NTRK3: variants seen among roughly 807,000 people sequenced by gnomAD.
NTRK3 encodes the protein neurotrophic receptor tyrosine kinase 3, also known as NT-3 growth factor receptor.
NTRK3 carries 24 observed loss-of-function variants against 91.7 expected under a neutral mutation model. The observed-to-expected ratio is 0.26, with a 90% CI of 0.19 to 0.37. The LOEUF is 0.37. Ranked by LOEUF, NTRK3 falls within the 10% of genes least tolerant of loss-of-function variation. The pLI is 1.00. For missense variants in NTRK3, 880 were observed against 1,068.9 expected (o/e 0.82, Z 2.46); for synonymous variants, 483 against 404.0 (o/e 1.20, Z -2.34).
intron 5 of NTRK3, among the ~76,000 whole-genome samples, chr15:88,176,776 C>T (rs1331215438): frequency 2.0e-5 from 3 of 152,296 alleles, no homozygotes; most frequent in Middle Eastern, 3.4e-3. Flanking sequence ...TTCTGCTCCA[C>T]GGAAGTTTAC....
chr15:87,993,769 T>C (rs1304205988), intron 14 of NTRK3, among the ~76,000 whole-genome samples: 3 of 152,038 alleles, frequency 2.0e-5, no homozygotes, highest in Non-Finnish European at 4.4e-5. Flanking sequence ...CCAACACACA[T>C]TGAGGGCCTC....
chr15:88,178,166 A>G (rs2046164826), intron 5 of NTRK3, among the ~76,000 whole-genome samples: 1 of 152,212 alleles, frequency 6.6e-6, no homozygotes, highest in African/African-American at 2.4e-5. Flanking sequence ...ACTTGGAGAA[A>G]AGTCTCAGTG....
rs569794715 is a variant in NTRK3, at chr15:87,880,324, G to A, written c.2238C>T (p.Leu746=). The change falls in exon 18 of 19, where the codon CTC becomes CTT. Residue 746 remains leucine (L), a synonymous_variant. Coordinates refer to ENST00000394480, the Ensembl canonical transcript of NTRK3. ...GCTTTCCATAGGTGAAGATCTCCCA[G>A]AGGATCACCCCGAAGCTCCATACAT... The A allele has an allele frequency of 1.6e-5, 26 of 1,614,038 alleles. No homozygotes were observed. The Middle Eastern group carries it at 9.9e-4, about 61-fold the overall frequency.
chr15:88,039,444 A>C (rs939020569), intron 13 of NTRK3, among the ~76,000 whole-genome samples: 2 of 152,168 alleles, frequency 1.3e-5, no homozygotes, highest in Non-Finnish European at 2.9e-5. Flanking sequence ...ATATCATAAC[A>C]GAACCATTGG....
chr15:88,219,753 AAC>A (rs143980629), intron 3 of NTRK3, among the ~76,000 whole-genome samples: 1,633 of 152,330 alleles, frequency 0.011, 20 homozygotes, highest in South Asian at 0.048. Context: ...GGTGATGCCT[AAC>A]ACGCACTGAG....
At chr15:88,132,220 T>C (rs577187360) in intron 10 of NTRK3, among the ~76,000 whole-genome samples, 1 of 152,372 alleles carries the variant, frequency 6.6e-6, no homozygotes, top group African/African-American at 2.4e-5. Context: ...AAATGACTAC[T>C]GGTTCTAGAA....
In NTRK3 at chr15:88,256,256, G is replaced by C. The variant is rs1432759619; in HGVS notation, c.-16+28C>G. The C allele has an allele frequency of 1.1e-4, 31 of 282,736 alleles. No individual in the cohort carries two copies. The East Asian group carries it at 2.2e-3, about 20-fold the overall frequency. 17.5% of individuals were successfully genotyped at this position (282,736 alleles called of 1,614,324 possible). A position where few individuals can be genotyped will look rare whatever the true frequency, so the allele number is the denominator to read the frequency against. On this transcript the variant is annotated intron_variant, in intron 2 of 18. Coordinates refer to ENST00000394480, the Ensembl canonical transcript of NTRK3. Reference sequence around the variant, plus strand: ...GGAAGGAAACAAAGACGGCGAGGGAGGGGGGAAGGGGGAGGGGGGGCCTCT... The same window carrying C: ...GGAAGGAAACAAAGACGGCGAGGGACGGGGGAAGGGGGAGGGGGGGCCTCT...
At chr15:87,986,841 A>G (rs944424087) in intron 14 of NTRK3, among the ~76,000 whole-genome samples, 10 of 152,256 alleles carry the variant, frequency 6.6e-5, no homozygotes, top group Non-Finnish European at 1.5e-4. Flanking sequence ...GGCTTTGCAA[A>G]CCATGCAGTC....
At chr15:87,965,368 T>G (rs533185419) in intron 14 of NTRK3, among the ~76,000 whole-genome samples, 1 of 152,238 alleles carries the variant, frequency 6.6e-6, no homozygotes, top group African/African-American at 2.4e-5. Flanking sequence ...CAGAGAGATA[T>G]TCTCACAATA....
At chr15:87,961,974 C>T (rs920266774) in intron 14 of NTRK3, among the ~76,000 whole-genome samples, 2 of 152,216 alleles carry the variant, frequency 1.3e-5, no homozygotes, top group African/African-American at 4.8e-5. Flanking sequence ...CATCCATTGT[C>T]CCTCTCTCGG....
At chr15:88,113,593 G>C (rs557607521) in intron 13 of NTRK3, among the ~76,000 whole-genome samples, 28 of 152,308 alleles carry the variant, frequency 1.8e-4, no homozygotes, top group African/African-American at 5.3e-4. Flanking sequence ...TGGGATTATA[G>C]GCATGAGCCA....
chr15:87,992,562 G>GA (rs780396610), intron 14 of NTRK3, among the ~76,000 whole-genome samples: 83 of 150,880 alleles, frequency 5.5e-4, no homozygotes, highest in South Asian at 4.0e-3. Context: ...AGACTATTTG[G>GA]AAAAAAAAAC....
Position 87,980,548 on chromosome 15 carries a change from T to C in NTRK3, c.1586-39795A>G, listed in dbSNP as rs2074159559. 2.6e-5 allele frequency among the ~76,000 whole-genome samples: 4 copies of C among 152,312 alleles called. No individual in the cohort carries two copies. In the South Asian group the frequency reaches 8.3e-4, roughly 32 times the overall value. On this transcript the variant is annotated intron_variant, in intron 14 of 18. Coordinates refer to ENST00000394480, the Ensembl canonical transcript of NTRK3. Reference sequence around the variant, plus strand: ...GTGTACACATATGTGTGTGTTTGAATGTGTATGTGTGTGTGAATATGTGCA... The same window carrying C: ...GTGTACACATATGTGTGTGTTTGAACGTGTATGTGTGTGTGAATATGTGCA...
At chr15:88,161,601 C>T (rs1162647066) in intron 5 of NTRK3, among the ~76,000 whole-genome samples, 3 of 152,114 alleles carry the variant, frequency 2.0e-5, no homozygotes, top group African/African-American at 7.2e-5. Context: ...GTGTGACAGC[C>T]ATAAAAAATG....
chr15:88,023,822 A>G (rs1320426400), intron 14 of NTRK3, among the ~76,000 whole-genome samples: 1 of 152,194 alleles, frequency 6.6e-6, no homozygotes, highest in African/African-American at 2.4e-5. Context: ...GACTTCTTCT[A>G]GAGAAAGAAC....
Position 88,237,970 on chromosome 15 carries a change from T to C in NTRK3, c.248+17936A>G, listed in dbSNP as rs1431062251. On this transcript the variant is annotated intron_variant, in intron 3 of 18. Coordinates refer to ENST00000394480, the Ensembl canonical transcript of NTRK3. The surrounding 1 kb of genome is among the most constrained non-coding windows in gnomAD (Gnocchi z 4.0). Reference sequence around the variant, plus strand: ...GTAACTGTATTTGGAGATAGGGTCTTTAAAGAAGTAATTAAGTTTAAATGA... The same window carrying C: ...GTAACTGTATTTGGAGATAGGGTCTCTAAAGAAGTAATTAAGTTTAAATGA... Among the ~76,000 whole-genome samples, 1 of 152,152 alleles carries C rather than the reference T, an allele frequency of 6.6e-6. No individual in the cohort carries two copies. Among genetic ancestry groups the C allele is most frequent in the Admixed American group, 6.5e-5 (1 of 15,276 alleles).
intron 14 of NTRK3, chr15:87,981,406 C>T (rs772652662): frequency 3.1e-6 from 5 of 1,613,596 alleles, no homozygotes; most frequent in Non-Finnish European, 4.2e-6. Context: ...CAGTATTAAA[C>T]CCCAAGTGCA....
intron 17 of NTRK3, among the ~76,000 whole-genome samples, chr15:87,893,185 G>A (rs1010118234): frequency 1.3e-5 from 2 of 152,108 alleles, no homozygotes; most frequent in African/African-American, 2.4e-5. Flanking sequence ...CTTTCCCCAA[G>A]GCTGTATCGT....
At chr15:88,090,571 A>G (rs1044047477) in intron 13 of NTRK3, among the ~76,000 whole-genome samples, 3 of 152,128 alleles carry the variant, frequency 2.0e-5, no homozygotes, top group African/African-American at 7.2e-5. Context: ...AGCCAGAGTC[A>G]TTCCTCCTCC....
Sources: allele counts gnomAD v4.1 joint callset (sites outside exome capture counted in the v4.1 genomes callset), GRCh38; gene constraint gnomAD v4.1.1; non-coding constraint Gnocchi (gnomAD v3.1); transcripts MANE v1.5; gene names NCBI Gene and HGNC (gene_info 2026-07-23, HGNC 2026-07-21).